Variants in ARSF observed in about 807,000 individuals in gnomAD.
ARSF encodes the protein arylsulfatase F.
A neutral mutation model predicts 35.4 loss-of-function variants in ARSF; 33 were observed. The observed-to-expected ratio is 0.93, with a 90% confidence interval of 0.71 to 1.25. The LOEUF (loss-of-function observed/expected upper bound fraction) is 1.25. ARSF is among the 50% of genes most tolerant of loss of function. The pLI, the probability that ARSF is intolerant of heterozygous loss-of-function variation, is 0.00. For missense variants in ARSF, 501 were observed against 480.2 expected (o/e 1.04, Z -0.40); for synonymous variants, 222 against 193.1 (o/e 1.15, Z -1.24).
chrX:3,076,035 ATC>A lies in ARSF; in HGVS notation c.162-507_162-506del, dbSNP rs769944738. Among the ~76,000 whole-genome samples, 178 of 89,053 alleles carry A rather than the reference ATC, an allele frequency of 2.0e-3. 1 individual carries two copies. The highest frequency in any genetic ancestry group is 4.1e-3 in the South Asian group (8 of 1,928). The allele number at this position is 89,053 out of a possible 115,157, so 77.3% of individuals were successfully genotyped here. On this transcript the variant is annotated intron_variant, in intron 3 of 10. Transcript: ENST00000381127. ...TCTCTCTGTCTCCCTCCCTCTGTTT[ATC>A]TCTCTTTCCATTTCTTTCTGTCTCT... is the stretch of plus-strand genomic sequence containing the variant.
intron 1 of ARSF, among the ~76,000 whole-genome samples, chrX:3,047,993 C>A (rs1282391851): frequency 9.0e-6 from 1 of 110,741 alleles, no homozygotes; most frequent in African/African-American, 3.3e-5. Context: ...GAGAGCCAAG[C>A]GAAAGGAGTT....
At chrX:3,057,022 T>A (rs1273481631) in intron 1 of ARSF, among the ~76,000 whole-genome samples, 4 of 111,659 alleles carry the variant, frequency 3.6e-5, no homozygotes, top group Non-Finnish European at 7.5e-5. Flanking sequence ...TCAGGTGGGA[T>A]TTTATAAATA....
At chrX:3,092,917 A>T (rs1337143085) in intron 7 of ARSF, among the ~76,000 whole-genome samples, 1 of 112,267 alleles carries the variant, frequency 8.9e-6, no homozygotes, top group East Asian at 2.8e-4. Flanking sequence ...TCACGCCTGT[A>T]ATCCCAGCAC....
At chrX:3,060,400 T>C (rs932089263) in intron 1 of ARSF, among the ~76,000 whole-genome samples, 37 of 111,898 alleles carry the variant, frequency 3.3e-4, no homozygotes, top group East Asian at 1.4e-3. Context: ...CCAGAGTGCC[T>C]CTTCTCCTCC....
intron 4 of ARSF, among the ~76,000 whole-genome samples, chrX:3,079,708 C>T (rs1243654113): frequency 9.2e-6 from 1 of 108,219 alleles, no homozygotes; most frequent in Non-Finnish European, 1.9e-5. Context: ...ACCTGTAATC[C>T]CAGCACTTTG....
intron 1 of ARSF, among the ~76,000 whole-genome samples, chrX:3,054,868 G>C (rs1403592321): frequency 9.2e-6 from 1 of 108,180 alleles, no homozygotes; most frequent in East Asian, 3.0e-4. Context: ...CGAGTAGCTA[G>C]GATTACAGGC....
chrX:3,101,173 G>A lies in ARSF; in HGVS notation c.1054G>A (p.Ala352Thr). Residue 352 changes from alanine to threonine, a missense_variant, in exon 8 of 11, where the codon GCT (alanine) becomes ACT (threonine). Ala to Thr is a moderately conservative substitution (Grantham distance 58). Transcript: ENST00000381127. ...ATCAGATCACGGAGGGCATTTGGAA[G>A]CTAGGCGAGGGCATGCCCAACTTGG... is the stretch of plus-strand genomic sequence containing the variant. ...FTSDHGGHLE[A>T]RRGHAQLGGW... is the part of the protein sequence containing the mutation. 8.3e-7 allele frequency: 1 copy of A among 1,211,477 alleles called. No homozygotes were observed. Among genetic ancestry groups the A allele is most frequent in the Non-Finnish European group, 1.1e-6 (1 of 895,310 alleles).
chrX:3,105,957 G>T (rs1480392968), intron 9 of ARSF, among the ~76,000 whole-genome samples: 1 of 111,828 alleles, frequency 8.9e-6, no homozygotes, highest in African/African-American at 3.3e-5. Flanking sequence ...GTTGCATGAG[G>T]GTGGAAGGCA....
rs1336019729 is a variant in ARSF at position 3,074,118 on chromosome X, T to C, written c.161+1943T>C. Among the ~76,000 whole-genome samples, 10 of 110,509 alleles carry C rather than the reference T, an allele frequency of 9.0e-5. No individual in the cohort carries two copies. The Admixed American group carries it at 9.9e-4, about 11-fold the overall frequency. On this transcript the variant is annotated intron_variant, in intron 3 of 10. Coordinates refer to ENST00000381127, the MANE Select transcript of ARSF (RefSeq NM_001201539.2). ...AAAGTAGTCGCCAAAAATTAACCAT[T>C]GCTTATGAGAAAAGAAGAGAGGACT...
At position 3,095,879 on chromosome X, in the gene ARSF, T is replaced by A. The variant is rs189930856; in HGVS notation, c.968-5208T>A. On this transcript the variant is annotated intron_variant, in intron 7 of 10. Transcript: ENST00000381127. ...TGCTTTCTAGTATTACCTAACTATA[T>A]ATATGTATATGTAGTTAACTATATA... is the stretch of plus-strand genomic sequence containing the variant. Among the ~76,000 whole-genome samples, 1,065 of 109,432 alleles carry A rather than the reference T, an allele frequency of 9.7e-3. 15 individuals carry two copies. The highest frequency in any genetic ancestry group is 0.033 in the African/African-American group (1,001 of 30,451).
intron 7 of ARSF, among the ~76,000 whole-genome samples, chrX:3,096,844 A>G (rs916682230): frequency 1.8e-5 from 2 of 111,519 alleles, no homozygotes; most frequent in African/African-American, 6.5e-5. Flanking sequence ...TTCAAGTCAT[A>G]ATCCAAGGTA....
intron 1 of ARSF, among the ~76,000 whole-genome samples, chrX:3,062,977 C>T (rs1038066985): frequency 9.0e-6 from 1 of 111,521 alleles, no homozygotes; most frequent in African/African-American, 3.3e-5. Flanking sequence ...ATCCTGATAC[C>T]AAAGCCTGGC....
intron 4 of ARSF, among the ~76,000 whole-genome samples, chrX:3,077,705 T>C (rs1030960768): frequency 9.1e-6 from 1 of 110,287 alleles, no homozygotes; most frequent in African/African-American, 3.3e-5. Flanking sequence ...AGCTATCAGA[T>C]TTTTGGACAA....
chrX:3,058,536 A>G (rs1032212065), intron 1 of ARSF: 10 of 303,052 alleles, frequency 3.3e-5, no homozygotes, highest in African/African-American at 1.4e-4. Flanking sequence ...AAAGGGAGTC[A>G]GAAAAGGCAG....
At chrX:3,050,853 A>G (rs1251558434) in intron 1 of ARSF, among the ~76,000 whole-genome samples, 1 of 111,059 alleles carries the variant, frequency 9.0e-6, no homozygotes, top group Non-Finnish European at 1.9e-5. Context: ...CTAGAAGGTT[A>G]TAGACCAGTT....
chrX:3,103,636 C>T, intron 8 of ARSF, 126 bp from the exon 9 acceptor site: 1 of 788,910 alleles, frequency 1.3e-6, no homozygotes, highest in South Asian at 2.9e-5. Flanking sequence ...CCCACTAGGA[C>T]TCTACATAGA....
chrX:3,105,987 C>T (rs1210498123), intron 9 of ARSF, among the ~76,000 whole-genome samples: 1 of 111,727 alleles, frequency 9.0e-6, no homozygotes, highest in Non-Finnish European at 1.9e-5. Flanking sequence ...AAGTTCCAGC[C>T]GTTGTCCTCA....
chrX:3,088,126 C>G (rs2090261642), intron 6 of ARSF, among the ~76,000 whole-genome samples: 1 of 111,966 alleles, frequency 8.9e-6, no homozygotes, highest in South Asian at 3.7e-4. Context: ...GCGGGTCAGC[C>G]TAGTTCCCTG....
At chrX:3,063,919 C>A (rs1466578285) in intron 1 of ARSF, among the ~76,000 whole-genome samples, 1 of 111,906 alleles carries the variant, frequency 8.9e-6, no homozygotes, top group Non-Finnish European at 1.9e-5. Context: ...CATCAAGCTA[C>A]CAATGACTTT....
Sources: gnomAD v4.1 joint callset for allele counts (sites outside exome capture counted in the v4.1 genomes callset) on GRCh38, gnomAD v4.1.1 for gene constraint, MANE v1.5 for transcripts, NCBI Gene and HGNC (gene_info 2026-07-23, HGNC 2026-07-21) for gene names.